Variants in EPHA6 observed in about 807,000 individuals in gnomAD.
The protein encoded by EPHA6 is EPH receptor A6.
Under a neutral mutation model 112.0 loss-of-function variants are expected in EPHA6, and 50 were observed. That is an observed-to-expected ratio of 0.45 (90% CI 0.36 to 0.56). The LOEUF is 0.56. EPHA6 is among the 20% of genes least tolerant of loss of function. The probability of loss-of-function intolerance (pLI) is 0.00; values close to 1 mark genes in which losing one functional copy is unlikely to be tolerated. For missense variants in EPHA6, 1,280 were observed against 1,417.4 expected (o/e 0.90, Z 1.56); for synonymous variants, 529 against 490.7 (o/e 1.08, Z -1.03).
chr3:97,612,390 G>A (rs1445537684), intron 13 of EPHA6: 2 of 421,484 alleles, frequency 4.7e-6, no homozygotes, highest in Non-Finnish European at 9.6e-6. Flanking sequence ...GTATCCTAAA[G>A]CAGAATATAA....
chr3:97,547,528 A>T (rs1024175350), intron 11 of EPHA6, among the ~76,000 whole-genome samples: 2 of 152,102 alleles, frequency 1.3e-5, no homozygotes, highest in African/African-American at 4.8e-5. Flanking sequence ...CCAGTTGAGG[A>T]GGCAGTCTGC....
At chr3:97,317,203 G>C (rs2081885571) in intron 5 of EPHA6, among the ~76,000 whole-genome samples, 1 of 151,584 alleles carries the variant, frequency 6.6e-6, no homozygotes, top group Admixed American at 6.6e-5. Context: ...ATGGTTTTCT[G>C]CAGGAAAAGT....
intron 10 of EPHA6, among the ~76,000 whole-genome samples, chr3:97,520,220 G>C (rs1214905339): frequency 1.3e-5 from 2 of 152,094 alleles, no homozygotes; most frequent in African/African-American, 4.8e-5. Flanking sequence ...ACCTACCTCA[G>C]CCTCCCAAAG....
chr3:97,320,117 C>G (rs1041871117), intron 5 of EPHA6, among the ~76,000 whole-genome samples: 1 of 151,958 alleles, frequency 6.6e-6, no homozygotes, highest in Admixed American at 6.6e-5. Context: ...CAATCTTAAC[C>G]ACACACTGTC....
intron 2 of EPHA6, among the ~76,000 whole-genome samples, chr3:96,956,755 C>T (rs2041776217): frequency 6.6e-6 from 1 of 152,074 alleles, no homozygotes; most frequent in Admixed American, 6.5e-5. Flanking sequence ...AAAATGTAGG[C>T]TGGGTGCAGT....
At chr3:96,917,102 G>A (rs973943335) in intron 2 of EPHA6, among the ~76,000 whole-genome samples, 1 of 151,706 alleles carries the variant, frequency 6.6e-6, no homozygotes, top group African/African-American at 2.4e-5. Flanking sequence ...TGTTCATATT[G>A]CAACCCAGTT....
intron 13 of EPHA6, among the ~76,000 whole-genome samples, chr3:97,630,668 G>A (rs865834373): frequency 1.3e-5 from 2 of 151,954 alleles, no homozygotes; most frequent in Non-Finnish European, 2.9e-5. Flanking sequence ...ACTTATAGAA[G>A]CCTCTTTAAC....
At chr3:97,481,156 A>G in intron 9 of EPHA6, 6 of 786,948 alleles carry the variant, frequency 7.6e-6, no homozygotes, top group Non-Finnish European at 1.3e-5. Flanking sequence ...GAGAGCCGAG[A>G]TCACGCCACT....
intron 3 of EPHA6, among the ~76,000 whole-genome samples, chr3:97,014,068 C>G (rs1167528615): frequency 6.6e-6 from 1 of 151,948 alleles, no homozygotes; most frequent in Non-Finnish European, 1.5e-5. Context: ...TTTGAACTTT[C>G]TTATACTGTG....
At chr3:97,682,142 A>C (rs2031908959) in intron 14 of EPHA6, among the ~76,000 whole-genome samples, 1 of 152,094 alleles carries the variant, frequency 6.6e-6, no homozygotes, top group East Asian at 1.9e-4. Flanking sequence ...AGTAATTAAA[A>C]TTAATTAAGT....
Position 97,235,759 on chromosome 3 carries a change from G to T in EPHA6, c.1271-8193G>T, listed in dbSNP as rs1323247465. On this transcript the variant is annotated intron_variant, in intron 4 of 17. Transcript: ENST00000389672. ...CAATCTAAGGACATCCAAGGTTCAG[G>T]CTTGGTCTGTCTCTCCCTAACCAAC... Among the ~76,000 whole-genome samples, 6 of 152,096 alleles carry T rather than the reference G, an allele frequency of 3.9e-5. No homozygotes were observed. The East Asian group carries it at 1.2e-3, about 30-fold the overall frequency.
chr3:96,952,049 T>A (rs1359211561), intron 2 of EPHA6, among the ~76,000 whole-genome samples: 1 of 152,132 alleles, frequency 6.6e-6, no homozygotes, highest in African/African-American at 2.4e-5. Context: ...TCAAGGTTCT[T>A]GGAAAATTTA....
chr3:97,325,886 G>A lies in EPHA6; in HGVS notation c.1607-79264G>A, dbSNP rs183229608. Among the ~76,000 whole-genome samples, 69 of 152,022 alleles carry A rather than the reference G, an allele frequency of 4.5e-4. 1 individual carries two copies. The highest frequency in any genetic ancestry group is 1.4e-3 in the African/African-American group (58 of 41,454). On this transcript the variant is annotated intron_variant, in intron 5 of 17. Transcript: ENST00000389672. ...ATGTTTATCTGGAATTTTAACCTAG[G>A]AATCTCCTATTTTCTATACTCTGCT...
chr3:97,041,171 G>C (rs937055459), intron 3 of EPHA6, among the ~76,000 whole-genome samples: 2 of 152,106 alleles, frequency 1.3e-5, no homozygotes, highest in Non-Finnish European at 2.9e-5. Flanking sequence ...TTCCAACTCT[G>C]TGGGGTCAGT....
chr3:97,467,681 C>A (rs1275738183), intron 7 of EPHA6, among the ~76,000 whole-genome samples: 3 of 151,646 alleles, frequency 2.0e-5, no homozygotes, highest in South Asian at 2.1e-4. Flanking sequence ...TTCTCAAGAC[C>A]TATCTCAACT....
intron 2 of EPHA6, among the ~76,000 whole-genome samples, chr3:96,965,664 T>A (rs2107765703): frequency 6.6e-6 from 1 of 152,262 alleles, no homozygotes; most frequent in South Asian, 2.1e-4. Flanking sequence ...TTTTACATAA[T>A]CAAATTTACC....
intron 6 of EPHA6, among the ~76,000 whole-genome samples, chr3:97,412,474 GT>G (rs1487668609): frequency 6.6e-6 from 1 of 151,912 alleles, no homozygotes; most frequent in Non-Finnish European, 1.5e-5. Flanking sequence ...TTTCGATGAG[GT>G]TGGAATAAAT....
intron 3 of EPHA6, chr3:96,994,236 C>T: frequency 2.5e-6 from 1 of 392,854 alleles, no homozygotes; most frequent in South Asian, 2.5e-5. Context: ...CTTTATTATA[C>T]ATAGTAAGCA....
At chr3:97,287,125 G>A (rs1012652485) in intron 5 of EPHA6, among the ~76,000 whole-genome samples, 1 of 152,136 alleles carries the variant, frequency 6.6e-6, no homozygotes, top group East Asian at 1.9e-4. Context: ...TTATTTATCA[G>A]GTCTAAGAGT....
Sources: allele counts gnomAD v4.1 joint callset (sites outside exome capture counted in the v4.1 genomes callset), GRCh38; gene constraint gnomAD v4.1.1; transcripts MANE v1.5; gene names NCBI Gene and HGNC (gene_info 2026-07-23, HGNC 2026-07-21).